The following RUNX2 variants were observed in gnomAD, a reference collection of about 807,000 sequenced individuals.
The protein encoded by RUNX2 is RUNX family transcription factor 2.
Under a neutral mutation model 51.7 loss-of-function variants are expected in RUNX2, and 10 were observed. The observed-to-expected ratio is 0.19, with a 90% CI of 0.12 to 0.33. The LOEUF (loss-of-function observed/expected upper bound fraction) is 0.33, where lower values mean the gene tolerates loss of function less well. Among genes scored for constraint, RUNX2 ranks in the 10% least tolerant of loss-of-function variants. The pLI, the probability that RUNX2 is intolerant of heterozygous loss-of-function variation, is 1.00. For synonymous variants in RUNX2, 276 were observed against 273.6 expected (o/e 1.01, Z -0.09); for missense variants, 562 against 691.3 (o/e 0.81, Z 2.10).
intron 5 of RUNX2, among the ~76,000 whole-genome samples, chr6:45,455,062 C>T (rs1336321179): frequency 1.3e-5 from 2 of 151,992 alleles, no homozygotes; most frequent in East Asian, 1.9e-4. Flanking sequence ...TGCAGTGAGC[C>T]GAGATCGTGC....
At chr6:45,330,467 C>A (rs12201899) in intron 2 of RUNX2, among the ~76,000 whole-genome samples, 33,281 of 151,836 alleles carry the variant, frequency 0.22, 4,458 homozygotes, top group Non-Finnish European at 0.31. Flanking sequence ...TACTCTTTCA[C>A]GTTATCACTC....
intron 5 of RUNX2, among the ~76,000 whole-genome samples, chr6:45,474,381 G>A (rs1799894629): frequency 2.7e-5 from 2 of 75,066 alleles, no homozygotes; most frequent in Admixed American, 1.3e-4. Context: ...ATATGTGTGT[G>A]TGTGTGTGTG....
Position 45,433,787 on chromosome 6 carries a change from T to A in RUNX2, c.580+1768T>A, listed in dbSNP as rs551854847. 4.6e-5 allele frequency among the ~76,000 whole-genome samples: 7 copies of A among 151,608 alleles called. No homozygotes were observed. In the South Asian group the frequency reaches 1.2e-3, roughly 27 times the overall value. ...TTTCCCAAATAGCAATTTTTATATTTAAAAAAAAAGACAGACTTAACTGCT... is the reference window on the plus strand; with the variant it reads ...TTTCCCAAATAGCAATTTTTATATTAAAAAAAAAAGACAGACTTAACTGCT... On this transcript the variant is annotated intron_variant, in intron 4 of 8. Transcript: ENST00000647337.
intron 3 of RUNX2, among the ~76,000 whole-genome samples, chr6:45,429,732 T>C (rs1798486146): frequency 6.6e-6 from 1 of 152,298 alleles, no homozygotes; most frequent in South Asian, 2.1e-4. Context: ...AGAGTTTTAG[T>C]GGGTAGCCCC....
intron 5 of RUNX2, among the ~76,000 whole-genome samples, chr6:45,490,772 T>G (rs1298136872): frequency 6.6e-6 from 1 of 152,158 alleles, no homozygotes; most frequent in Non-Finnish European, 1.5e-5. Context: ...GGCAAACTCT[T>G]AATCCCATCA....
At chr6:45,393,198 T>C (rs1417825364) in intron 2 of RUNX2, among the ~76,000 whole-genome samples, 1 of 152,194 alleles carries the variant, frequency 6.6e-6, no homozygotes, top group African/African-American at 2.4e-5. Flanking sequence ...CTGAGTCTGG[T>C]TCTGATGCTT....
Position 45,422,701 on chromosome 6 carries a change from A to C in RUNX2, c.167A>C (p.Gln56Pro). The C allele has an allele frequency of 6.3e-7, 1 of 1,596,522 alleles. No homozygotes were observed. Among genetic ancestry groups the C allele is most frequent in the East Asian group, 2.3e-5 (1 of 43,388 alleles). The change falls in exon 3 of 9, where the codon CAG (glutamine) becomes CCG (proline). Residue 56 changes from glutamine (Q) to proline (P), a missense_variant. Physicochemically the swap from Gln to Pro is moderately conservative, Grantham distance 76. Transcript: ENST00000647337. ...GCGCAACAGCAGCAGCAACAGCAGC[A>C]GCAGCAACAGCAGCAGCAGCAGCAG... ...VAAQQQQQQQQQQQQQQQQQQ... is the reference protein window; with the variant it reads ...VAAQQQQQQQPQQQQQQQQQQ...
intron 7 of RUNX2, among the ~76,000 whole-genome samples, chr6:45,516,991 T>C (rs745788441): frequency 3.3e-5 from 5 of 152,150 alleles, no homozygotes; most frequent in Admixed American, 2.0e-4. Flanking sequence ...TCCCACTCAT[T>C]TGAGTGAAGT....
chr6:45,451,523 A>T (rs757580495), intron 5 of RUNX2, among the ~76,000 whole-genome samples: 21 of 152,240 alleles, frequency 1.4e-4, no homozygotes, highest in Non-Finnish European at 2.5e-4. Context: ...AAAGGCTTGT[A>T]AAATTGAACC....
At chr6:45,473,532 C>T (rs1799868136) in intron 5 of RUNX2, among the ~76,000 whole-genome samples, 1 of 152,170 alleles carries the variant, frequency 6.6e-6, no homozygotes, top group Non-Finnish European at 1.5e-5. Context: ...TGCTTGACGA[C>T]AGGTGCTAAT....
intron 2 of RUNX2, among the ~76,000 whole-genome samples, chr6:45,410,274 C>T (rs140810809): frequency 1.3e-5 from 2 of 152,134 alleles, no homozygotes; most frequent in East Asian, 1.9e-4. Flanking sequence ...CAGGGAGACA[C>T]GTTAGGAGTC....
chr6:45,483,085 C>A (rs1163760171), intron 5 of RUNX2, among the ~76,000 whole-genome samples: 1 of 152,158 alleles, frequency 6.6e-6, no homozygotes, highest in Non-Finnish European at 1.5e-5. Flanking sequence ...TGTCTGAAGC[C>A]ACACACTAAC....
intron 2 of RUNX2, 115 bp from the exon 3 acceptor site, chr6:45,422,478 T>TGGGG: frequency 1.8e-6 from 1 of 569,524 alleles, no homozygotes; most frequent in Non-Finnish European, 2.8e-6. Context: ...CCATCCTCTT[T>TGGGG]CCCCCCGTCT....
Position 45,476,158 on chromosome 6 carries a change from C to T in RUNX2, c.686-15783C>T, listed in dbSNP as rs528190898. On this transcript the variant is annotated intron_variant, in intron 5 of 8. Coordinates refer to ENST00000647337, the MANE Select transcript of RUNX2 (RefSeq NM_001024630.4). ...GATTCTGTTCTTCCATTCCACTATA[C>T]GTTGCTCAGGGTTTGTTACTTTCTG... is the stretch of plus-strand genomic sequence containing the variant. 5.4e-4 allele frequency among the ~76,000 whole-genome samples: 83 copies of T among 152,310 alleles called. No homozygotes were observed. The South Asian group carries it at 7.0e-3, about 13-fold the overall frequency.
At chr6:45,458,319 G>A (rs1340623473) in intron 5 of RUNX2, among the ~76,000 whole-genome samples, 1 of 152,150 alleles carries the variant, frequency 6.6e-6, no homozygotes, top group Admixed American at 6.5e-5. Flanking sequence ...GAGCCACCGT[G>A]CCCGGCTTGG....
At chr6:45,476,508 G>A (rs1253888886) in intron 5 of RUNX2, among the ~76,000 whole-genome samples, 1 of 152,148 alleles carries the variant, frequency 6.6e-6, no homozygotes, top group African/African-American at 2.4e-5. Context: ...TCTCTGGCCT[G>A]TGCAAGTGAC....
At chr6:45,406,669 G>A (rs896001597) in intron 2 of RUNX2, among the ~76,000 whole-genome samples, 6 of 152,198 alleles carry the variant, frequency 3.9e-5, no homozygotes, top group Admixed American at 3.3e-4. Context: ...GCCCCCCAAA[G>A]TGCTGGGGTT....
intron 2 of RUNX2, among the ~76,000 whole-genome samples, chr6:45,384,391 T>G (rs1797305357): frequency 6.6e-6 from 1 of 152,006 alleles, no homozygotes; most frequent in East Asian, 1.9e-4. Context: ...TTCAAGCTAT[T>G]CTTATGTCTC....
chr6:45,452,503 G>C (rs1390399468), intron 5 of RUNX2, among the ~76,000 whole-genome samples: 1 of 152,126 alleles, frequency 6.6e-6, no homozygotes, highest in Non-Finnish European at 1.5e-5. Flanking sequence ...ATCAGAGTTT[G>C]TATTTTTAAG....
Sources: allele counts gnomAD v4.1 joint callset (sites outside exome capture counted in the v4.1 genomes callset), GRCh38; gene constraint gnomAD v4.1.1; transcripts MANE v1.5; gene names NCBI Gene and HGNC (gene_info 2026-07-23, HGNC 2026-07-21).